Variants in PYCR3 observed in about 807,000 individuals in gnomAD.
PYCR3 encodes the protein P5C reductase 3.
A neutral mutation model predicts 23.4 loss-of-function variants in PYCR3; 26 were observed. That is an observed-to-expected ratio of 1.11 (90% CI 0.81 to 1.54). The LOEUF (loss-of-function observed/expected upper bound fraction) is 1.54, where lower values mean the gene tolerates loss of function less well. Among genes scored for constraint, PYCR3 ranks in the 40% most tolerant of loss-of-function variants. The pLI, the probability that PYCR3 is intolerant of heterozygous loss-of-function variation, is 0.00. For missense variants in PYCR3, 360 were observed against 376.3 expected (o/e 0.96, Z 0.36); for synonymous variants, 194 against 162.6 (o/e 1.19, Z -1.47).
chr8:143,607,281 GC>G, intron 2 of PYCR3, 149 bp from the exon 3 acceptor site: 1 of 732,416 alleles, frequency 1.4e-6, no homozygotes, highest in Non-Finnish European at 2.1e-6. Context: ...CTTCTCCAGT[GC>G]CCAAGACTCC....
Position 143,603,265 on chromosome 8 carries a change from G to A in PYCR3, c.*2435C>T, listed in dbSNP as rs1409362703. 2 of 152,184 alleles carry A rather than the reference G, an allele frequency of 1.3e-5. No homozygotes were observed. Among genetic ancestry groups the A allele is most frequent in the Admixed American group, 6.5e-5 (1 of 15,280 alleles). 9.4% of individuals were successfully genotyped at this position (152,184 alleles called of 1,614,324 possible). A position where few individuals can be genotyped will look rare whatever the true frequency, so the allele number is the denominator to read the frequency against. On this transcript the variant is annotated 3_prime_UTR_variant, in exon 6 of 6. Coordinates refer to ENST00000495276, the MANE Select transcript of PYCR3 (RefSeq NM_023078.6). ...CTTATTTTTAAACTCTTGATCCAAC[G>A]CTTGGATCAGGAATACCCCCTAGAT... is the stretch of plus-strand genomic sequence containing the variant.
At position 143,609,437 on chromosome 8, in the gene PYCR3, C is replaced by T. The variant is rs1390495111; in HGVS notation, c.91+21G>A. 4 of 1,491,522 alleles carry T rather than the reference C, an allele frequency of 2.7e-6. No individual in the cohort carries two copies. The African/African-American group carries it at 5.8e-5, about 22-fold the overall frequency. 92.4% of individuals were successfully genotyped at this position (1,491,522 alleles called of 1,614,324 possible). A position where few individuals can be genotyped will look rare whatever the true frequency, so the allele number is the denominator to read the frequency against. On this transcript the variant is annotated intron_variant, in intron 1 of 5. Coordinates refer to ENST00000495276, the MANE Select transcript of PYCR3 (RefSeq NM_023078.6). ...GGCTGCTCCCACTCCAGACCGCAGG[C>T]CTAGCCCCGCGCCGCCCCACCTGCT... is the stretch of plus-strand genomic sequence containing the variant.
chr8:143,606,043 A>C lies in PYCR3; in HGVS notation c.642+19T>G. On this transcript the variant is annotated intron_variant, in intron 5 of 5. Coordinates refer to ENST00000495276, the MANE Select transcript of PYCR3 (RefSeq NM_023078.6). ...GGCCTGGGCCTTCCCGATGTTCCCC[A>C]GGGGCCACCCTCACTCACCAGCAGG... 1 of 1,600,602 alleles carries C rather than the reference A, an allele frequency of 6.2e-7. No individual in the cohort carries two copies. Among genetic ancestry groups the C allele is most frequent in the Non-Finnish European group, 8.5e-7 (1 of 1,173,616 alleles).
In PYCR3 at chr8:143,605,494, C is replaced by T. The variant is rs982380356; in HGVS notation, c.*206G>A. On this transcript the variant is annotated 3_prime_UTR_variant, in exon 6 of 6. Coordinates refer to ENST00000495276, the MANE Select transcript of PYCR3 (RefSeq NM_023078.6). ...AGCCACCACCACGGTGCCTTCTGCT[C>T]ACTGGGGAGGGAGGAGTGTCCCCAC... 1.7e-5 allele frequency: 10 copies of T among 575,508 alleles called. No homozygotes were observed. The highest frequency in any genetic ancestry group is 4.5e-4 in the Middle Eastern group (1 of 2,208). The allele number at this position is 575,508 out of a possible 1,614,324, so 35.7% of individuals were successfully genotyped here. A position where few individuals can be genotyped will look rare whatever the true frequency, so the allele number is the denominator to read the frequency against.
chr8:143,605,047 G>A lies in PYCR3; in HGVS notation c.*653C>T. On this transcript the variant is annotated 3_prime_UTR_variant, in exon 6 of 6. Transcript: ENST00000495276. ...CCACTGCCCACCTGGTGCCACCCCA[G>A]CACTGCCGCAGACCTGGCCCAGCAG... 1 of 428,174 alleles carries A rather than the reference G, an allele frequency of 2.3e-6. No homozygotes were observed. The highest frequency in any genetic ancestry group is 2.7e-5 in the Admixed American group (1 of 36,680). The allele number at this position is 428,174 out of a possible 1,614,324, so 26.5% of individuals were successfully genotyped here.
chr8:143,608,225 C>T, intron 1 of PYCR3, 99 bp from the exon 2 acceptor site: 1 of 894,332 alleles, frequency 1.1e-6, no homozygotes, highest in South Asian at 1.4e-5. Context: ...CTCAGCCACG[C>T]CTGGCCCATC....
At chr8:143,606,431 G>C (rs546209996) in intron 4 of PYCR3, 36 bp downstream of exon 4, 5 of 1,603,174 alleles carry the variant, frequency 3.1e-6, no homozygotes, top group South Asian at 1.1e-5. Context: ...CCTCTTTGCC[G>C]AGGGTGGGGC....
At position 143,603,559 on chromosome 8, in the gene PYCR3, G is replaced by C. The variant is rs754091140; in HGVS notation, c.*2141C>G. On this transcript the variant is annotated 3_prime_UTR_variant, in exon 6 of 6. Transcript: ENST00000495276. ...GCCCAGGGCTTGTCAGAGGTCCCAG[G>C]GGGAGACAGGTGTTGGTGCAAAGTC... 1.6e-4 allele frequency among the ~76,000 whole-genome samples: 24 copies of C among 152,204 alleles called. No homozygotes were observed. The highest frequency in any genetic ancestry group is 1.5e-4 in the Non-Finnish European group (10 of 68,032).
In PYCR3 at chr8:143,603,495, G is replaced by A. The variant is rs992594184; in HGVS notation, c.*2205C>T. Among the ~76,000 whole-genome samples the A allele has an allele frequency of 1.3e-5, 2 of 152,186 alleles. No homozygotes were observed. Among genetic ancestry groups the A allele is most frequent in the African/African-American group, 4.8e-5 (2 of 41,432 alleles). Reference sequence around the variant, plus strand: ...CTCACCAGCTGGGCCAGGAGTGGCTGGCTTGGGATCTCCACCTCCCGAGCT... The same window carrying A: ...CTCACCAGCTGGGCCAGGAGTGGCTAGCTTGGGATCTCCACCTCCCGAGCT... On this transcript the variant is annotated 3_prime_UTR_variant, in exon 6 of 6. Transcript: ENST00000495276.
At chr8:143,606,231 G>C in intron 4 of PYCR3, 77 bp from the exon 5 acceptor site, 1 of 1,412,876 alleles carries the variant, frequency 7.1e-7, no homozygotes. Flanking sequence ...ACAATGCCCA[G>C]AGCAGTAGCC....
Position 143,606,162 on chromosome 8 carries a change from C to T in PYCR3, c.550-8G>A, listed in dbSNP as rs376931936. 24 of 1,601,320 alleles carry T rather than the reference C, an allele frequency of 1.5e-5. No individual in the cohort carries two copies. The highest frequency in any genetic ancestry group is 8.0e-5 in the African/African-American group (6 of 74,704). On this transcript the variant is annotated splice_region_variant and splice_polypyrimidine_tract_variant and intron_variant, in intron 4 of 5. Transcript: ENST00000495276. ...CTCGGAGAATGCACACACCTGTAGC[C>T]GCGGCATGGTGGTTGGGGGGGATAG...
chr8:143,608,098 G>A lies in PYCR3; in HGVS notation c.120C>T (p.Ala40=). 1 of 1,613,878 alleles carries A rather than the reference G, an allele frequency of 6.2e-7. No homozygotes were observed. The part of the protein sequence containing the change: ...AGKVEAQHIL[A]SAPTDRNLCH... ...ATAGGTTCCTGTCTGTTGGTGCACT[G>A]GCCAGTATGTGCTGAGCTTCCACTT... The change falls in exon 2 of 6, where the codon GCC becomes GCT. Residue 40 remains alanine (A), a synonymous_variant. Coordinates refer to ENST00000495276, the MANE Select transcript of PYCR3 (RefSeq NM_023078.6).
At position 143,605,112 on chromosome 8, in the gene PYCR3, C is replaced by T; in HGVS notation, c.*588G>A. On this transcript the variant is annotated 3_prime_UTR_variant, in exon 6 of 6. Transcript: ENST00000495276. ...CAGGGGATGAGCACGCCCACCACAG[C>T]CACCCTCTTCTCCAGGCTGCAGGGC... is the stretch of plus-strand genomic sequence containing the variant. 5.5e-6 allele frequency: 2 copies of T among 362,478 alleles called. No homozygotes were observed. Among genetic ancestry groups the T allele is most frequent in the East Asian group, 7.6e-5 (1 of 13,126 alleles). 22.5% of individuals were successfully genotyped at this position (362,478 alleles called of 1,614,324 possible).
intron 5 of PYCR3, 35 bp downstream of exon 5, chr8:143,606,027 C>T: frequency 6.3e-7 from 1 of 1,589,314 alleles, no homozygotes; most frequent in South Asian, 1.1e-5. Context: ...AGGCCTGGGC[C>T]TTCCCGATGT....
At position 143,607,788 on chromosome 8, in the gene PYCR3, T is replaced by C. The variant is rs59932058; in HGVS notation, c.156+274A>G. On this transcript the variant is annotated intron_variant, in intron 2 of 5. Transcript: ENST00000495276. ...ACATACATACACACATGCACACGCA[T>C]AGCCTCACATATACACACGTGCATA... Among the ~76,000 whole-genome samples the C allele has an allele frequency of 8.9e-3, 1,345 of 151,914 alleles. 7 individuals carry two copies. Among genetic ancestry groups the C allele is most frequent in the African/African-American group, 0.03 (1,226 of 41,428 alleles).
intron 1 of PYCR3, 68 bp downstream of exon 1, chr8:143,609,390 C>A: frequency 7.2e-7 from 1 of 1,390,278 alleles, no homozygotes; most frequent in Non-Finnish European, 9.3e-7. Flanking sequence ...GCCCCACTCT[C>A]GCGGCAGGAC....
At chr8:143,606,789 G>A (rs1043446593) in intron 3 of PYCR3, 110 bp from the exon 4 acceptor site, 13 of 1,343,796 alleles carry the variant, frequency 9.7e-6, no homozygotes, top group Admixed American at 4.9e-5. Context: ...GGGCTCCAGC[G>A]TCTGCCTCCC....
intron 1 of PYCR3, chr8:143,608,962 C>G: frequency 2.2e-6 from 1 of 451,846 alleles, no homozygotes; most frequent in South Asian, 1.6e-5. Context: ...AGTATATGGT[C>G]AGCATAAATA....
chr8:143,606,291 G>C, intron 4 of PYCR3, 137 bp from the exon 5 acceptor site: 1 of 1,109,738 alleles, frequency 9.0e-7, no homozygotes, highest in Admixed American at 2.2e-5. Flanking sequence ...AAAGGGGCTG[G>C]CCTCAAAGAT....
Sources: gnomAD v4.1 joint callset for allele counts (sites outside exome capture counted in the v4.1 genomes callset) on GRCh38, gnomAD v4.1.1 for gene constraint, MANE v1.5 for transcripts, NCBI Gene and HGNC (gene_info 2026-07-23, HGNC 2026-07-21) for gene names.